Variants in RPGRIP1 observed in about 807,000 individuals in gnomAD.
RPGRIP1 encodes X-linked retinitis pigmentosa GTPase regulator-interacting protein 1.
RPGRIP1 carries 128 observed loss-of-function variants against 157.9 expected under a neutral mutation model. That is an observed-to-expected ratio of 0.81 (90% CI 0.70 to 0.94). The LOEUF is 0.94. Ranked by LOEUF, RPGRIP1 falls within the 40% of genes least tolerant of loss-of-function variation. The pLI is 0.00. For synonymous variants in RPGRIP1, 554 were observed against 571.6 expected (o/e 0.97, Z 0.44); for missense variants, 1,486 against 1,545.8 (o/e 0.96, Z 0.65).
At position 21,348,259 on chromosome 14, in the gene RPGRIP1, G is replaced by C. The variant is rs1408843177; in HGVS notation, c.3705G>C (p.Gln1235His). ...EVGYAYLQLW[Q>H]ILESGRDILE... ...GATATGCATATCTTCAACTGTGGCA[G>C]ATCCTGGAGTCAGGAAGAGATATTC... Residue 1235 changes from glutamine (Q) to histidine (H), a missense_variant, in exon 24 of 25, where the codon CAG (glutamine) becomes CAC (histidine). Physicochemically the swap from Gln to His is conservative, Grantham distance 24. Transcript: ENST00000400017. The C allele has an allele frequency of 1.9e-6, 3 of 1,590,402 alleles. No homozygotes were observed. The Admixed American group carries it at 5.3e-5, about 28-fold the overall frequency.
rs769076483 is a variant in RPGRIP1 at position 21,351,103 on chromosome 14, G to C, written c.3749-1G>C. 6.3e-7 allele frequency: 1 copy of C among 1,592,830 alleles called. No individual in the cohort carries two copies. Among genetic ancestry groups the C allele is most frequent in the South Asian group, 1.1e-5 (1 of 88,818 alleles). The stretch of plus-strand genomic sequence containing the variant: ...TGCTGTTTTTTTCCCTTTCCCAACA[G>C]TTGTTAGCCCTGAAGATCTGGCTAC... On this transcript the variant is annotated splice_acceptor_variant, in intron 24 of 24. Transcript: ENST00000400017. LOFTEE classifies it high-confidence loss of function.
chr14:21,285,602 CT>C (rs1321804069), intron 1 of RPGRIP1, among the ~76,000 whole-genome samples: 1 of 112,754 alleles, frequency 8.9e-6, no homozygotes. Flanking sequence ...GAGACTCCAT[CT>C]CCAAAAAAAA....
chr14:21,305,650 C>A (rs1413039069), intron 6 of RPGRIP1, among the ~76,000 whole-genome samples: 1 of 152,152 alleles, frequency 6.6e-6, no homozygotes, highest in Non-Finnish European at 1.5e-5. Flanking sequence ...CATTTGTGGT[C>A]AGGAGATCGA....
chr14:21,300,363 G>A (rs1033561092), intron 3 of RPGRIP1, among the ~76,000 whole-genome samples: 21 of 151,668 alleles, frequency 1.4e-4, no homozygotes, highest in Admixed American at 1.3e-3. Flanking sequence ...CACACTGGGG[G>A]TTAAGGCTTC....
chr14:21,303,325 A>G lies in RPGRIP1; in HGVS notation c.588-6A>G. On this transcript the variant is annotated splice_region_variant and splice_polypyrimidine_tract_variant and intron_variant, in intron 5 of 24. Transcript: ENST00000400017. ...AACAGTTTCTAAGTATCCTTTTTGT[A>G]TTTAGTGTTTCTGGTTCTAACAGCA... The G allele has an allele frequency of 6.2e-7, 1 of 1,603,016 alleles. No homozygotes were observed. The highest frequency in any genetic ancestry group is 8.5e-7 in the Non-Finnish European group (1 of 1,172,382).
In RPGRIP1 at chr14:21,324,979, C is replaced by T. The variant is rs766619584; in HGVS notation, c.2124C>T (p.Ala708=). 6.2e-7 allele frequency: 1 copy of T among 1,614,022 alleles called. No individual in the cohort carries two copies. Among genetic ancestry groups the T allele is most frequent in the East Asian group, 2.2e-5 (1 of 44,896 alleles). Residue 708 remains alanine (A), a synonymous_variant, in exon 15 of 25, where the codon GCC becomes GCT. Coordinates refer to ENST00000400017, the MANE Select transcript of RPGRIP1 (RefSeq NM_020366.4). ...SARLDIHQAM[A]SEHSTLAAGW... is the part of the protein sequence containing the mutation. Reference sequence around the variant, plus strand: ...GGCTTGACATACACCAGGCCATGGCCAGTGAACACAGCACTCTTGCTGCAG... The same window carrying T: ...GGCTTGACATACACCAGGCCATGGCTAGTGAACACAGCACTCTTGCTGCAG...
chr14:21,308,222 C>T (rs1566675083), intron 7 of RPGRIP1, among the ~76,000 whole-genome samples: 1 of 152,218 alleles, frequency 6.6e-6, no homozygotes, highest in South Asian at 2.1e-4. Flanking sequence ...GAGCTGTACT[C>T]TGTCCCAGAT....
At chr14:21,326,333 G>C (rs565621547) in intron 17 of RPGRIP1, among the ~76,000 whole-genome samples, 160 bp downstream of exon 17, 1 of 152,308 alleles carries the variant, frequency 6.6e-6, no homozygotes, top group East Asian at 1.9e-4. Flanking sequence ...AGAAGACTTA[G>C]AGCCTCACTA....
chr14:21,281,152 G>A (rs1880110402), intron 1 of RPGRIP1, among the ~76,000 whole-genome samples: 1 of 151,692 alleles, frequency 6.6e-6, no homozygotes, highest in South Asian at 2.1e-4. Context: ...CGAGTAGCTG[G>A]GACTACAGGT....
chr14:21,348,809 T>C (rs545744983), intron 24 of RPGRIP1, among the ~76,000 whole-genome samples: 6 of 151,540 alleles, frequency 4.0e-5, no homozygotes, highest in African/African-American at 7.3e-5. Flanking sequence ...TTCCATGGTG[T>C]GCCACCATGC....
chr14:21,280,986 T>C (rs933716506), intron 1 of RPGRIP1, among the ~76,000 whole-genome samples: 1 of 152,024 alleles, frequency 6.6e-6, no homozygotes, highest in Admixed American at 6.6e-5. Flanking sequence ...GAAATATATA[T>C]ATAGAGAGAG....
At chr14:21,291,542 T>G (rs12101248) in intron 2 of RPGRIP1, among the ~76,000 whole-genome samples, 43,562 of 151,942 alleles carry the variant, frequency 0.29, 6,447 homozygotes, top group Middle Eastern at 0.33. Flanking sequence ...ATGTCCAATT[T>G]CACTTCTGTC....
In RPGRIP1 at chr14:21,325,301, T is replaced by C. The variant is rs199593721; in HGVS notation, c.2285T>C (p.Leu762Pro). The change falls in exon 16 of 25, where the codon CTA (leucine) becomes CCA (proline). Residue 762 changes from leucine (L) to proline (P), a missense_variant. Physicochemically the swap from Leu to Pro is moderately conservative, Grantham distance 98. Transcript: ENST00000400017. The part of the protein sequence containing the change: ...MRLRFPIKPS[L>P]QACNKRKKAQ... ...CTGCGTTTCCCCATAAAACCCAGCC[T>C]ACAGGCGTGCAATAAACGAAAGAAA... 3 of 1,612,444 alleles carry C rather than the reference T, an allele frequency of 1.9e-6. No homozygotes were observed. The highest frequency in any genetic ancestry group is 2.7e-5 in the African/African-American group (2 of 75,024).
chr14:21,327,208 G>C (rs1883204599), intron 17 of RPGRIP1, among the ~76,000 whole-genome samples: 1 of 152,172 alleles, frequency 6.6e-6, no homozygotes, highest in Non-Finnish European at 1.5e-5. Context: ...CAGACATCTG[G>C]CATTTCGAAA....
chr14:21,335,806 C>CAAAAAAAAAAAA (rs536624884), intron 21 of RPGRIP1, among the ~76,000 whole-genome samples: 21 of 149,984 alleles, frequency 1.4e-4, no homozygotes, highest in African/African-American at 5.3e-4. Flanking sequence ...GACTACGTCT[C>CAAAAAAAAAAAA]AAAAAAAAGA....
rs557139978 is a variant in RPGRIP1, at chr14:21,314,714, GA to G, written c.1151+2224del. On this transcript the variant is annotated intron_variant, in intron 10 of 24. Transcript: ENST00000400017. ...GGCAACAAGAGCAAAACTCTGTCTC[GA>G]AAAAAAAAAAAAAAATAGCCGGGCA... 4.3e-3 allele frequency among the ~76,000 whole-genome samples: 560 copies of G among 131,012 alleles called. 2 individuals are homozygous for G. The highest frequency in any genetic ancestry group is 0.013 in the African/African-American group (441 of 35,056). The allele number at this position is 131,012 out of a possible 152,430, so 85.9% of individuals were successfully genotyped here.
At chr14:21,297,387 G>A (rs74580361) in intron 3 of RPGRIP1, among the ~76,000 whole-genome samples, 26,005 of 152,068 alleles carry the variant, frequency 0.17, 2,800 homozygotes, top group East Asian at 0.29. Context: ...GAGCCACCGC[G>A]CCTGTCCCAG....
chr14:21,296,222 C>T (rs1048286196), intron 3 of RPGRIP1, among the ~76,000 whole-genome samples: 1 of 152,048 alleles, frequency 6.6e-6, no homozygotes, highest in Non-Finnish European at 1.5e-5. Context: ...CTGCCTCAGC[C>T]TCCCGAGTAG....
chr14:21,328,530 G>A lies in RPGRIP1; in HGVS notation c.3002G>A (p.Ser1001Asn). ...ERKEKEHQVV[S>N]YSRRKHGKRI... ...AAGGAGAAGGAGCACCAGGTTGTGA[G>A]CTACTCAAGAAGAAAACATGGCAAA... The change falls in exon 19 of 25, where the codon AGC becomes AAC. Residue 1001 changes from serine to asparagine, a missense_variant. Physicochemically the swap from Ser to Asn is conservative, Grantham distance 46. Transcript: ENST00000400017. 1.2e-6 allele frequency: 2 copies of A among 1,613,710 alleles called. No homozygotes were observed. The highest frequency in any genetic ancestry group is 2.2e-5 in the South Asian group (2 of 91,080).
Sources: allele counts gnomAD v4.1 joint callset (sites outside exome capture counted in the v4.1 genomes callset), GRCh38; gene constraint gnomAD v4.1.1; transcripts MANE v1.5; gene names NCBI Gene and HGNC (gene_info 2026-07-23, HGNC 2026-07-21).